The following TENM2 variants were observed in gnomAD, a reference collection of about 807,000 sequenced individuals.
TENM2 encodes the protein teneurin-2.
A neutral mutation model predicts 245.2 loss-of-function variants in TENM2; 52 were observed. That is an observed-to-expected ratio of 0.21 (90% CI 0.17 to 0.27). The LOEUF is 0.27. Ranked by LOEUF, TENM2 falls within the 10% of genes least tolerant of loss-of-function variation. The pLI is 1.00. For missense variants in TENM2, 3,046 were observed against 3,666.8 expected, an observed-to-expected ratio of 0.83 and a Z score of 4.37; for synonymous variants, 1,363 against 1,438.9, an observed-to-expected ratio of 0.95 and a Z score of 1.19.
intron 2 of TENM2, among the ~76,000 whole-genome samples, chr5:167,409,606 A>G (rs1762805728): frequency 1.3e-5 from 2 of 152,078 alleles, no homozygotes; most frequent in Admixed American, 6.6e-5. Context: ...CGGCATGCAT[A>G]CATAATAGGA....
intron 7 of TENM2, among the ~76,000 whole-genome samples, chr5:168,069,181 G>T (rs1389497873): frequency 6.6e-6 from 1 of 152,148 alleles, no homozygotes; most frequent in African/African-American, 2.4e-5. Context: ...TCGTTGAACA[G>T]TATCCATCAG....
chr5:166,986,436 C>A, the TENM2 span, among the ~76,000 whole-genome samples: 1 of 152,042 alleles, frequency 6.6e-6, no homozygotes, highest in Non-Finnish European at 1.5e-5. Context: ...GGAAATTTAT[C>A]ATTGTAGAAA....
Position 167,880,695 on chromosome 5 carries a change from G to A in TENM2, c.712+4500G>A, listed in dbSNP as rs1583269337. On this transcript the variant is annotated intron_variant, in intron 3 of 28. Transcript: ENST00000518659. ...TGCTAATTTCCTGTCAAAATTCCTT[G>A]TAACCTCCCTTAAATAAGACATAGA... is the stretch of plus-strand genomic sequence containing the variant. Among the ~76,000 whole-genome samples, 7 of 152,206 alleles carry A rather than the reference G, an allele frequency of 4.6e-5. 1 individual carries two copies. The highest frequency in any genetic ancestry group is 4.6e-4 in the Admixed American group (7 of 15,282).
At chr5:168,119,365 A>G (rs1010201147) in intron 10 of TENM2, among the ~76,000 whole-genome samples, 2 of 152,196 alleles carry the variant, frequency 1.3e-5, no homozygotes, top group Non-Finnish European at 2.9e-5. Flanking sequence ...AGGGAGAAAG[A>G]GCACCTCTCT....
chr5:168,005,740 C>A (rs566507295), intron 5 of TENM2, among the ~76,000 whole-genome samples: 61 of 152,224 alleles, frequency 4.0e-4, no homozygotes, highest in Middle Eastern at 3.4e-3. Flanking sequence ...AGAAAAAATT[C>A]TTTGTGTTGT....
chr5:168,071,772 A>G (rs1029682438), intron 7 of TENM2, among the ~76,000 whole-genome samples: 6 of 152,242 alleles, frequency 3.9e-5, no homozygotes, highest in African/African-American at 1.4e-4. Flanking sequence ...CAATACATCA[A>G]GGTGTTATAA....
intron 2 of TENM2, among the ~76,000 whole-genome samples, chr5:167,802,515 G>A (rs1443363083): frequency 6.6e-6 from 1 of 152,132 alleles, no homozygotes; most frequent in Non-Finnish European, 1.5e-5. Flanking sequence ...AAATAATGTG[G>A]AATCATTCTA....
At chr5:167,752,818 CA>C (rs1762048892) in intron 2 of TENM2, among the ~76,000 whole-genome samples, 1 of 152,284 alleles carries the variant, frequency 6.6e-6, no homozygotes, top group South Asian at 2.1e-4. Context: ...TATAGATTTC[CA>C]TCCAGGAGAG....
intron 12 of TENM2, among the ~76,000 whole-genome samples, chr5:168,134,117 T>C (rs1426900100): frequency 6.6e-6 from 1 of 151,948 alleles, no homozygotes; most frequent in East Asian, 1.9e-4. Context: ...ATCATGCCAC[T>C]GCACTCTAGC....
the TENM2 span, among the ~76,000 whole-genome samples, chr5:167,155,570 A>G: frequency 6.6e-6 from 1 of 152,132 alleles, no homozygotes; most frequent in African/African-American, 2.4e-5. Context: ...TAAGTCTGTG[A>G]CCGCGACTAG....
At chr5:167,425,673 T>A (rs1763769456) in intron 2 of TENM2, among the ~76,000 whole-genome samples, 1 of 152,216 alleles carries the variant, frequency 6.6e-6, no homozygotes, top group Non-Finnish European at 1.5e-5. Context: ...CACAGCTTAA[T>A]AACTGTATGA....
chr5:167,151,656 C>T, the TENM2 span, among the ~76,000 whole-genome samples: 2 of 152,044 alleles, frequency 1.3e-5, no homozygotes, highest in Non-Finnish European at 2.9e-5. Context: ...GTAGCTGGGA[C>T]TACAGGCACC....
At chr5:167,483,107 TAGG>T (rs1156337929) in intron 2 of TENM2, among the ~76,000 whole-genome samples, 12 of 152,314 alleles carry the variant, frequency 7.9e-5, no homozygotes, top group African/African-American at 2.9e-4. Context: ...ACTTGTAACA[TAGG>T]AGATCAAAGT....
chr5:167,284,854 G>A (rs879087843), exon 1 of TENM2: 20 of 1,551,154 alleles, frequency 1.3e-5, no homozygotes, highest in Non-Finnish European at 1.4e-5. Context: ...GTAAAGGACC[G>A]GCGACACCGC....
the TENM2 span, among the ~76,000 whole-genome samples, chr5:167,044,523 G>A: frequency 6.6e-6 from 1 of 152,148 alleles, no homozygotes; most frequent in East Asian, 1.9e-4. Context: ...GAACCCATCA[G>A]GGTGTCCAAT....
intron 2 of TENM2, among the ~76,000 whole-genome samples, chr5:167,431,972 T>TATATACAC (rs1764280940): frequency 6.9e-6 from 1 of 144,468 alleles, no homozygotes; most frequent in African/African-American, 2.6e-5. Context: ...TATATATATA[T>TATATACAC]ATATATGGAA....
chr5:167,168,329 A>C, the TENM2 span: 2 of 152,224 alleles, frequency 1.3e-5, no homozygotes. Flanking sequence ...CTCTAACTTG[A>C]TCCAGTTTGC....
At chr5:167,497,345 C>T (rs1768885259) in intron 2 of TENM2, among the ~76,000 whole-genome samples, 1 of 152,106 alleles carries the variant, frequency 6.6e-6, no homozygotes, top group African/African-American at 2.4e-5. Context: ...CGTTTAATTT[C>T]TCAGACTCTT....
At chr5:168,255,215 T>A (rs1000681307) in intron 27 of TENM2, among the ~76,000 whole-genome samples, 13 of 152,226 alleles carry the variant, frequency 8.5e-5, no homozygotes, top group Non-Finnish European at 1.5e-4. Flanking sequence ...AGATAGTCCC[T>A]TTTCAATGCT....
Sources: allele counts gnomAD v4.1 joint callset (sites outside exome capture counted in the v4.1 genomes callset), GRCh38; gene constraint gnomAD v4.1.1; transcripts MANE v1.5; gene names NCBI Gene and HGNC (gene_info 2026-07-23, HGNC 2026-07-21).